Variants in DLC1 observed in about 807,000 individuals in gnomAD.
DLC1 encodes the protein rho GTPase-activating protein 7.
A neutral mutation model predicts 140.3 loss-of-function variants in DLC1; 54 were observed. The observed-to-expected ratio is 0.38, with a 90% CI of 0.31 to 0.48. The LOEUF (loss-of-function observed/expected upper bound fraction) is 0.48. Among genes scored for constraint, DLC1 ranks in the 20% least tolerant of loss-of-function variants. The pLI, the probability that DLC1 is intolerant of heterozygous loss-of-function variation, is 0.96. For missense variants in DLC1, 2,536 were observed against 1,907.0 expected (o/e 1.33, Z -6.14); for synonymous variants, 986 against 728.1 (o/e 1.35, Z -5.70).
intron 5 of DLC1, among the ~76,000 whole-genome samples, chr8:13,299,982 C>G (rs1029072932): frequency 2.0e-5 from 3 of 152,144 alleles, no homozygotes; most frequent in African/African-American, 7.2e-5. Context: ...TACATGCACA[C>G]ATATGTTCAT....
chr8:13,226,205 T>C (rs866174182), intron 5 of DLC1, among the ~76,000 whole-genome samples: 3 of 152,230 alleles, frequency 2.0e-5, no homozygotes, highest in Non-Finnish European at 4.4e-5. Flanking sequence ...TGAGCCACTA[T>C]GCCCAGCCTG....
At chr8:13,346,345 A>G (rs543063480) in intron 4 of DLC1, among the ~76,000 whole-genome samples, 54 of 152,344 alleles carry the variant, frequency 3.5e-4, no homozygotes, top group African/African-American at 1.3e-3. Flanking sequence ...ACATTTGTTC[A>G]TAATTGTAGT....
At chr8:13,102,259 G>C (rs1232160884) in intron 8 of DLC1, among the ~76,000 whole-genome samples, 1 of 152,154 alleles carries the variant, frequency 6.6e-6, no homozygotes, top group Non-Finnish European at 1.5e-5. Flanking sequence ...ATACCATCCA[G>C]CTCGGTTGTG....
At chr8:13,568,013 AAACT>A (rs1160582911) in intron 1 of DLC1, 494 of 1,449,396 alleles carry the variant, frequency 3.4e-4, no homozygotes, top group East Asian at 7.5e-5. Context: ...GGCACTTGGG[AAACT>A]AACTTAAGAC....
chr8:13,245,223 C>A (rs1238477873), intron 5 of DLC1, among the ~76,000 whole-genome samples: 2 of 152,174 alleles, frequency 1.3e-5, no homozygotes, highest in African/African-American at 4.8e-5. Context: ...TGTAGGTGCT[C>A]CGTTGAGGCC....
chr8:13,462,337 C>G (rs1382454025), intron 2 of DLC1, among the ~76,000 whole-genome samples: 1 of 151,046 alleles, frequency 6.6e-6, no homozygotes, highest in African/African-American at 2.4e-5. Context: ...GGGAACTTTT[C>G]TTTTGTAACT....
At chr8:13,552,272 T>C (rs1391927895) in intron 1 of DLC1, among the ~76,000 whole-genome samples, 1 of 148,968 alleles carries the variant, frequency 6.7e-6, no homozygotes, top group African/African-American at 2.4e-5. Context: ...TATACCTATA[T>C]ACAAGGTAGA....
chr8:13,418,730 G>GT (rs2117334102), intron 2 of DLC1, among the ~76,000 whole-genome samples: 1 of 152,230 alleles, frequency 6.6e-6, no homozygotes, highest in Non-Finnish European at 1.5e-5. Flanking sequence ...CTTTAATGTA[G>GT]TTTTTTCCAA....
chr8:13,438,262 A>C (rs1563346458), intron 2 of DLC1, among the ~76,000 whole-genome samples: 2 of 152,252 alleles, frequency 1.3e-5, no homozygotes, highest in East Asian at 3.9e-4. Flanking sequence ...GGAGATTTTT[A>C]ATGAGCAGTC....
intron 1 of DLC1, among the ~76,000 whole-genome samples, chr8:13,586,292 G>C (rs1402753832): frequency 3.9e-5 from 6 of 152,114 alleles, no homozygotes; most frequent in African/African-American, 1.4e-4. Context: ...TCTGAAACTT[G>C]GCCACCAGTA....
intron 2 of DLC1, among the ~76,000 whole-genome samples, chr8:13,460,132 A>G (rs1799592935): frequency 6.6e-6 from 1 of 152,210 alleles, no homozygotes; most frequent in Non-Finnish European, 1.5e-5. Flanking sequence ...TGAGCACATG[A>G]GCACATGAAT....
intron 2 of DLC1, among the ~76,000 whole-genome samples, chr8:13,475,613 A>G (rs1245207838): frequency 6.6e-6 from 1 of 152,214 alleles, no homozygotes; most frequent in African/African-American, 2.4e-5. Context: ...AGAAAGACAT[A>G]ACTGTCACCA....
intron 5 of DLC1, among the ~76,000 whole-genome samples, chr8:13,185,978 C>T (rs952927031): frequency 3.3e-5 from 5 of 152,182 alleles, no homozygotes; most frequent in African/African-American, 1.2e-4. Context: ...TATTGACCCC[C>T]ACTCTCTTCT....
intron 4 of DLC1, among the ~76,000 whole-genome samples, chr8:13,355,258 G>A (rs1044450143): frequency 2.6e-5 from 4 of 152,176 alleles, no homozygotes; most frequent in African/African-American, 9.7e-5. Flanking sequence ...GGCTAAGGCA[G>A]GTGGCTCACT....
At chr8:13,335,593 T>C (rs1044026222) in intron 4 of DLC1, among the ~76,000 whole-genome samples, 1 of 152,182 alleles carries the variant, frequency 6.6e-6, no homozygotes, top group Non-Finnish European at 1.5e-5. Context: ...ATCCTCATTT[T>C]CCTCATGGTA....
chr8:13,543,278 G>A (rs777270991), intron 1 of DLC1, among the ~76,000 whole-genome samples: 8 of 152,140 alleles, frequency 5.3e-5, no homozygotes, highest in African/African-American at 1.4e-4. Context: ...GTAGTCTTTC[G>A]TGAAGTAGTG....
intron 1 of DLC1, among the ~76,000 whole-genome samples, chr8:13,549,940 A>C (rs36033154): frequency 0.024 from 3,638 of 152,282 alleles, 61 homozygotes; most frequent in Non-Finnish European, 0.036. Flanking sequence ...GAAACAGTTA[A>C]ATTCATTTAG....
intron 5 of DLC1, among the ~76,000 whole-genome samples, chr8:13,178,485 T>C (rs1242392494): frequency 6.7e-6 from 1 of 149,034 alleles, no homozygotes; most frequent in Non-Finnish European, 1.5e-5. Flanking sequence ...GGCAGGAGAA[T>C]GGCGTGAACC....
intron 4 of DLC1, among the ~76,000 whole-genome samples, chr8:13,358,880 T>G (rs1275101908): frequency 6.6e-6 from 1 of 152,200 alleles, no homozygotes; most frequent in Non-Finnish European, 1.5e-5. Context: ...CTGGAAGGTA[T>G]CCCTAGGCAA....
Sources: allele counts gnomAD v4.1 joint callset (sites outside exome capture counted in the v4.1 genomes callset), GRCh38; gene constraint gnomAD v4.1.1; transcripts MANE v1.5; gene names NCBI Gene and HGNC (gene_info 2026-07-23, HGNC 2026-07-21).